The following CHST11 variants were observed in gnomAD, a reference collection of about 807,000 sequenced individuals.
The protein encoded by CHST11 is C4S-1.
Under a neutral mutation model 30.4 loss-of-function variants are expected in CHST11, and 9 were observed. The ratio of observed to expected loss-of-function variants is 0.30; its 90% CI spans 0.18 to 0.52. The LOEUF is 0.52. Among genes scored for constraint, CHST11 ranks in the 20% least tolerant of loss-of-function variants. The pLI is 0.97. For missense variants in CHST11, 348 were observed against 460.6 expected, an observed-to-expected ratio of 0.76 and a Z score of 2.24; for synonymous variants, 152 against 187.8, an observed-to-expected ratio of 0.81 and a Z score of 1.56.
intron 1 of CHST11, 91 bp from the exon 2 acceptor site, chr12:104,601,815 T>A: frequency 1.0e-6 from 1 of 989,422 alleles, no homozygotes; most frequent in Non-Finnish European, 1.6e-6. Flanking sequence ...CTTTCCTGCC[T>A]GTTTCTTCTT....
chr12:104,683,229 C>T (rs780331770), intron 2 of CHST11, among the ~76,000 whole-genome samples: 3 of 152,128 alleles, frequency 2.0e-5, no homozygotes, highest in Non-Finnish European at 4.4e-5. Flanking sequence ...AGCAGTCAGA[C>T]AAAACTAAGG....
intron 2 of CHST11, among the ~76,000 whole-genome samples, chr12:104,750,978 G>A (rs1592874692): frequency 6.6e-6 from 1 of 152,140 alleles, no homozygotes; most frequent in African/African-American, 2.4e-5. Flanking sequence ...TCTTCCTGAG[G>A]GGAAACTGTG....
At chr12:104,492,028 C>T (rs768091731) in intron 1 of CHST11, among the ~76,000 whole-genome samples, 10 of 152,170 alleles carry the variant, frequency 6.6e-5, no homozygotes, top group African/African-American at 2.4e-4. Flanking sequence ...AGTCTTAGCT[C>T]GTATACCTCC....
rs567742673 is a variant in CHST11, at chr12:104,721,710, C to T, written c.205-35239C>T. The stretch of plus-strand genomic sequence containing the variant: ...GCCACCTCAAAGAGAACACAACCAG[C>T]ATAGAAAAAAAAATAGATCGTTTCA... On this transcript the variant is annotated intron_variant, in intron 2 of 2. Coordinates refer to ENST00000303694, the MANE Select transcript of CHST11 (RefSeq NM_018413.6). 4.0e-5 allele frequency among the ~76,000 whole-genome samples: 6 copies of T among 151,536 alleles called. 1 individual carries two copies. In the South Asian group the frequency reaches 1.2e-3, roughly 31 times the overall value.
intron 2 of CHST11, among the ~76,000 whole-genome samples, chr12:104,698,969 A>C (rs189050528): frequency 3.3e-4 from 51 of 152,336 alleles, no homozygotes; most frequent in African/African-American, 1.2e-3. Context: ...AATCAATATG[A>C]ATTAGGGAAG....
chr12:104,671,348 G>C (rs934162770), intron 2 of CHST11, among the ~76,000 whole-genome samples: 4 of 152,174 alleles, frequency 2.6e-5, no homozygotes, highest in Non-Finnish European at 4.4e-5. Flanking sequence ...TGGTTTTGCT[G>C]TGCCTTCATT....
intron 1 of CHST11, among the ~76,000 whole-genome samples, chr12:104,596,645 G>T (rs1427602987): frequency 1.3e-5 from 2 of 152,156 alleles, no homozygotes; most frequent in Non-Finnish European, 2.9e-5. Context: ...GTTTTCTCAA[G>T]TGCAAAGTGG....
At chr12:104,737,481 G>A (rs547806682) in intron 2 of CHST11, among the ~76,000 whole-genome samples, 1 of 152,326 alleles carries the variant, frequency 6.6e-6, no homozygotes, top group South Asian at 2.1e-4. Flanking sequence ...CAAGTACTTC[G>A]TGGGATGCCT....
At chr12:104,536,541 T>C (rs1463179559) in intron 1 of CHST11, among the ~76,000 whole-genome samples, 1 of 152,218 alleles carries the variant, frequency 6.6e-6, no homozygotes, top group Non-Finnish European at 1.5e-5. Flanking sequence ...CAGCCCATGG[T>C]AGCATGTCTC....
chr12:104,594,048 T>C (rs1460453059), intron 1 of CHST11, among the ~76,000 whole-genome samples: 32 of 152,230 alleles, frequency 2.1e-4, no homozygotes, highest in Non-Finnish European at 2.9e-5. Flanking sequence ...AGAATATCTT[T>C]GGTTAAGTCC....
chr12:104,472,882 G>A (rs1218188230), intron 1 of CHST11, among the ~76,000 whole-genome samples: 1 of 152,094 alleles, frequency 6.6e-6, no homozygotes, highest in East Asian at 1.9e-4. Flanking sequence ...AAATTTGCTG[G>A]CGGAATCTGG....
At chr12:104,694,947 A>C (rs1196524523) in intron 2 of CHST11, among the ~76,000 whole-genome samples, 1 of 152,176 alleles carries the variant, frequency 6.6e-6, no homozygotes, top group Admixed American at 6.5e-5. Flanking sequence ...CATTTGGCTG[A>C]GGGGGTTCCC....
intron 1 of CHST11, among the ~76,000 whole-genome samples, chr12:104,526,451 T>A (rs191758867): frequency 6.6e-6 from 1 of 152,278 alleles, no homozygotes; most frequent in East Asian, 1.9e-4. Flanking sequence ...GGGATGGTGT[T>A]CTTGATTGAT....
chr12:104,728,313 T>A (rs1349663415), intron 2 of CHST11, among the ~76,000 whole-genome samples: 1 of 152,134 alleles, frequency 6.6e-6, no homozygotes, highest in Non-Finnish European at 1.5e-5. Context: ...CGGAGGAGCA[T>A]GATGGATTTC....
chr12:104,642,737 A>C (rs560492356), intron 2 of CHST11, among the ~76,000 whole-genome samples: 38 of 151,510 alleles, frequency 2.5e-4, no homozygotes, highest in African/African-American at 9.2e-4. Context: ...ACAAAATCTC[A>C]AGCCTGTGTC....
At chr12:104,615,679 C>T (rs963147850) in intron 2 of CHST11, among the ~76,000 whole-genome samples, 1 of 152,178 alleles carries the variant, frequency 6.6e-6, no homozygotes, top group Non-Finnish European at 1.5e-5. Context: ...GTAATTCCAG[C>T]ACTTCGGGAG....
At chr12:104,481,061 C>T (rs1448331810) in intron 1 of CHST11, among the ~76,000 whole-genome samples, 1 of 152,236 alleles carries the variant, frequency 6.6e-6, no homozygotes, top group Non-Finnish European at 1.5e-5. Flanking sequence ...CTTAACCTCT[C>T]TGTGCCGTAC....
intron 2 of CHST11, among the ~76,000 whole-genome samples, chr12:104,636,046 C>T (rs1397629055): frequency 6.6e-6 from 1 of 152,086 alleles, no homozygotes; most frequent in Non-Finnish European, 1.5e-5. Flanking sequence ...ATAAGCTTGC[C>T]ATGAGGTTTG....
intron 1 of CHST11, among the ~76,000 whole-genome samples, chr12:104,477,382 C>T (rs981645500): frequency 6.6e-6 from 1 of 152,206 alleles, no homozygotes; most frequent in Non-Finnish European, 1.5e-5. Context: ...GAACTTCTCT[C>T]TGCAAAGCGT....
Sources: gnomAD v4.1 joint callset for allele counts (sites outside exome capture counted in the v4.1 genomes callset) on GRCh38, gnomAD v4.1.1 for gene constraint, MANE v1.5 for transcripts, NCBI Gene and HGNC (gene_info 2026-07-23, HGNC 2026-07-21) for gene names.